Variants in GOSR2 observed in about 807,000 individuals in gnomAD.
GOSR2 encodes the protein 27 kDa Golgi SNARE protein.
In GOSR2, 20 loss-of-function variants were observed where a neutral mutation model predicts 27.9. The ratio of observed to expected loss-of-function variants is 0.72; its 90% confidence interval spans 0.50 to 1.04. GOSR2 has a LOEUF of 1.04. Among genes scored for constraint, GOSR2 ranks in the 50% least tolerant of loss-of-function variants. The probability of loss-of-function intolerance (pLI) is 0.00; values close to 1 mark genes in which losing one functional copy is unlikely to be tolerated. For missense variants in GOSR2, 261 were observed against 270.5 expected (o/e 0.97, Z 0.25); for synonymous variants, 91 against 98.8 (o/e 0.92, Z 0.47).
chr17:46,951,671 C>T (rs1318874599), intron 6 of GOSR2, among the ~76,000 whole-genome samples: 1 of 152,214 alleles, frequency 6.6e-6, no homozygotes, highest in Non-Finnish European at 1.5e-5. Context: ...TCTGCACAAC[C>T]TCCCAGGCCA....
At chr17:46,934,787 T>C (rs2087999055) in intron 4 of GOSR2, among the ~76,000 whole-genome samples, 1 of 152,192 alleles carries the variant, frequency 6.6e-6, no homozygotes, top group Admixed American at 6.5e-5. Flanking sequence ...ATCGTTGGAA[T>C]GAACGATACT....
rs1035492845 is a variant in GOSR2, at chr17:46,940,687, G to A, written c.*1927G>A. On this transcript the variant is annotated 3_prime_UTR_variant, in exon 6 of 6. Coordinates refer to ENST00000640051, the MANE Select transcript of GOSR2 (RefSeq NM_004287.5). ...GCGTGGACTGATAGGACATCTTTTC[G>A]TGGTGTGCACCAGTGCTTTCCACAC... 1.2e-5 allele frequency: 20 copies of A among 1,610,836 alleles called. No individual in the cohort carries two copies. The highest frequency in any genetic ancestry group is 8.0e-5 in the African/African-American group (6 of 74,902).
rs549057785 is a variant in GOSR2, at chr17:46,939,849, A to G, written c.*1089A>G. On this transcript the variant is annotated 3_prime_UTR_variant, in exon 6 of 6. Coordinates refer to ENST00000640051, the MANE Select transcript of GOSR2 (RefSeq NM_004287.5). ...ATTGTGGAATTTAGTATAAAGGCCA[A>G]TCTGTCCTGAAGTCCATCTAATGTG... 33 of 990,500 alleles carry G rather than the reference A, an allele frequency of 3.3e-5. No individual in the cohort carries two copies. The East Asian group carries it at 2.1e-3, about 64-fold the overall frequency. The allele number at this position is 990,500 out of a possible 1,614,324, so 61.4% of individuals were successfully genotyped here.
intron 6 of GOSR2, among the ~76,000 whole-genome samples, chr17:46,957,278 C>T (rs2090779527): frequency 6.6e-6 from 1 of 152,042 alleles, no homozygotes; most frequent in Admixed American, 6.6e-5. Flanking sequence ...GTACACCAGC[C>T]TGGGCAACAG....
intron 1 of GOSR2, among the ~76,000 whole-genome samples, chr17:46,927,739 G>A (rs2086699398): frequency 6.6e-6 from 1 of 152,092 alleles, no homozygotes; most frequent in African/African-American, 2.4e-5. Context: ...CACCTGCACT[G>A]CCGCCATATT....
chr17:46,927,729 C>T (rs197920), intron 1 of GOSR2, among the ~76,000 whole-genome samples: 37,812 of 151,968 alleles, frequency 0.25, 5,469 homozygotes, highest in South Asian at 0.41. Context: ...TGTCTGTCTG[C>T]ACCTGCACTG....
At position 46,932,108 on chromosome 17, in the gene GOSR2, C is replaced by T. The variant is rs1413606819; in HGVS notation, c.245C>T (p.Thr82Ile). ...QLKYDVQHLQ[T>I]ALRNFQHRRH... ...AAGTATGATGTCCAGCACCTGCAGA[C>T]TGCGCTCAGAAACTTCCAGCATCGG... Residue 82 changes from threonine to isoleucine, a missense_variant, in exon 4 of 6, where the codon ACT (threonine) becomes ATT (isoleucine). Thr to Ile is a moderately conservative substitution (Grantham distance 89). Coordinates refer to ENST00000640051, the MANE Select transcript of GOSR2 (RefSeq NM_004287.5). 1 of 1,613,552 alleles carries T rather than the reference C, an allele frequency of 6.2e-7. No homozygotes were observed. Among genetic ancestry groups the T allele is most frequent in the Non-Finnish European group, 8.5e-7 (1 of 1,179,454 alleles).
At chr17:46,936,030 G>A (rs1032587499) in intron 5 of GOSR2, 18 of 985,654 alleles carry the variant, frequency 1.8e-5, no homozygotes, top group African/African-American at 1.6e-4. Flanking sequence ...ACTTCAGTAC[G>A]TTTCTGAACA....
intron 6 of GOSR2, among the ~76,000 whole-genome samples, chr17:46,949,691 G>A (rs2090183912): frequency 6.6e-6 from 1 of 152,218 alleles, no homozygotes; most frequent in South Asian, 2.1e-4. Flanking sequence ...CATGGCAGAA[G>A]TAGTATCTAC....
intron 2 of GOSR2, chr17:46,930,573 A>G (rs1472833766): frequency 6.5e-6 from 1 of 154,388 alleles, no homozygotes; most frequent in African/African-American, 2.4e-5. Flanking sequence ...CCATTCTTAC[A>G]GAAAGCTTTA....
chr17:46,955,915 T>C (rs2090676256), intron 6 of GOSR2, among the ~76,000 whole-genome samples: 2 of 152,210 alleles, frequency 1.3e-5, no homozygotes, highest in Admixed American at 1.3e-4. Flanking sequence ...TCCATCAGAC[T>C]AGCAACTTCC....
rs1167997887 is a variant in GOSR2, at chr17:46,938,941, G to T, written c.*181G>T. Reference sequence around the variant, plus strand: ...CTCTGTTTTCTGTGACATCTTGGAGGGGGAGCTAGTGCCACCACCATGCGC... The same window carrying T: ...CTCTGTTTTCTGTGACATCTTGGAGTGGGAGCTAGTGCCACCACCATGCGC... On this transcript the variant is annotated 3_prime_UTR_variant, in exon 6 of 6. Transcript: ENST00000640051. The T allele has an allele frequency of 6.7e-6, 10 of 1,496,466 alleles. No homozygotes were observed. Among genetic ancestry groups the T allele is most frequent in the African/African-American group, 4.2e-5 (3 of 72,130 alleles). 92.7% of individuals were successfully genotyped at this position (1,496,466 alleles called of 1,614,324 possible). A position where few individuals can be genotyped will look rare whatever the true frequency, so the allele number is the denominator to read the frequency against.
downstream of GOSR2, among the ~76,000 whole-genome samples, chr17:46,946,973 C>CA (rs1296109823): frequency 6.6e-6 from 1 of 152,196 alleles, no homozygotes; most frequent in Non-Finnish European, 1.5e-5. Context: ...GAGGAGGCTG[C>CA]AACTGACTGC....
intron 6 of GOSR2, among the ~76,000 whole-genome samples, chr17:46,956,727 C>T (rs1345812715): frequency 6.6e-6 from 1 of 152,164 alleles, no homozygotes; most frequent in African/African-American, 2.4e-5. Context: ...TCTCGTGGCT[C>T]CTGTTGGATG....
chr17:46,940,506 C>A lies in GOSR2; in HGVS notation c.*1746C>A. On this transcript the variant is annotated 3_prime_UTR_variant, in exon 6 of 6. Transcript: ENST00000640051. ...ACCTAGCGCAGGACTTTTGGTAATC[C>A]ATAAAATGGATTCTGAGACTGCGAC... The A allele has an allele frequency of 4.3e-6, 7 of 1,613,710 alleles. No homozygotes were observed. Among genetic ancestry groups the A allele is most frequent in the Non-Finnish European group, 5.9e-6 (7 of 1,179,808 alleles).
At chr17:46,923,713 A>G in intron 1 of GOSR2, 1 of 520,970 alleles carries the variant, frequency 1.9e-6, no homozygotes, top group Admixed American at 4.3e-5. Context: ...ATTGCTGTCC[A>G]CGTAGCATTC....
At chr17:46,953,724 C>G (rs1230195823) in intron 6 of GOSR2, among the ~76,000 whole-genome samples, 2 of 152,136 alleles carry the variant, frequency 1.3e-5, no homozygotes. Context: ...TTTTAATGAT[C>G]GCCATTCTAA....
intron 5 of GOSR2, 57 bp from the exon 6 acceptor site, chr17:46,938,542 C>T (rs2088797394): frequency 5.0e-6 from 8 of 1,611,040 alleles, no homozygotes; most frequent in Non-Finnish European, 6.8e-6. Flanking sequence ...TGCCATTCAC[C>T]CACTCTTGGT....
intron 6 of GOSR2, chr17:46,948,895 G>C (rs185065541): frequency 6.6e-6 from 1 of 152,352 alleles, no homozygotes; most frequent in African/African-American, 2.4e-5. Context: ...TGACAGATCA[G>C]TCTGGAATTG....
Sources: allele counts gnomAD v4.1 joint callset (sites outside exome capture counted in the v4.1 genomes callset), GRCh38; gene constraint gnomAD v4.1.1; transcripts MANE v1.5; gene names NCBI Gene and HGNC (gene_info 2026-07-23, HGNC 2026-07-21).